PRMT8: variants seen among roughly 807,000 people sequenced by gnomAD.
PRMT8 encodes protein arginine N-methyltransferase 8.
A neutral mutation model predicts 47.1 loss-of-function variants in PRMT8; 7 were observed. The observed-to-expected ratio is 0.15, with a 90% CI of 0.08 to 0.28. PRMT8 has a LOEUF of 0.28. Among genes scored for constraint, PRMT8 ranks in the 10% least tolerant of loss-of-function variants. The pLI, the probability that PRMT8 is intolerant of heterozygous loss-of-function variation, is 1.00. For synonymous variants in PRMT8, 188 were observed against 186.5 expected, an observed-to-expected ratio of 1.01 and a Z score of -0.07; for missense variants, 237 against 505.4, an observed-to-expected ratio of 0.47 and a Z score of 5.09.
intron 1 of PRMT8, among the ~76,000 whole-genome samples, chr12:3,510,560 A>C (rs901021758): frequency 1.3e-5 from 2 of 152,178 alleles, no homozygotes; most frequent in African/African-American, 2.4e-5. Flanking sequence ...AAAAAATTAA[A>C]TTGAATTTTA....
At chr12:3,398,269 C>A (rs1280288394) in intron 1 of PRMT8, among the ~76,000 whole-genome samples, 1 of 152,020 alleles carries the variant, frequency 6.6e-6, no homozygotes, top group Non-Finnish European at 1.5e-5. Context: ...AATGGGGGGG[C>A]CTTTGCAGGA....
chr12:3,497,768 A>C (rs1039918826), intron 1 of PRMT8, among the ~76,000 whole-genome samples: 2 of 152,222 alleles, frequency 1.3e-5, no homozygotes, highest in Admixed American at 1.3e-4. Context: ...GTGGCCCATA[A>C]GTAAAGATCT....
At chr12:3,592,509 T>C (rs968746674) in intron 9 of PRMT8, among the ~76,000 whole-genome samples, 157 bp downstream of exon 9, 3 of 152,030 alleles carry the variant, frequency 2.0e-5, no homozygotes, top group Non-Finnish European at 2.9e-5. Context: ...CTAGGCCTAA[T>C]TGAGGGACTC....
intron 1 of PRMT8, among the ~76,000 whole-genome samples, chr12:3,455,094 T>A (rs536335625): frequency 6.6e-6 from 1 of 152,236 alleles, no homozygotes; most frequent in African/African-American, 2.4e-5. Flanking sequence ...GAGATGGAGT[T>A]TGGGGGCTCC....
chr12:3,447,483 C>G (rs1864870508), intron 1 of PRMT8, among the ~76,000 whole-genome samples: 1 of 152,138 alleles, frequency 6.6e-6, no homozygotes, highest in African/African-American at 2.4e-5. Flanking sequence ...TGAGGCGCCC[C>G]CCTCTCCCGC....
Position 3,540,638 on chromosome 12 carries a change from C to T in PRMT8, c.108C>T (p.Pro36=), listed in dbSNP as rs376153849. 81 of 1,589,744 alleles carry T rather than the reference C, an allele frequency of 5.1e-5. No individual in the cohort carries two copies. Among genetic ancestry groups the T allele is most frequent in the South Asian group, 1.4e-4 (13 of 90,374 alleles). The change falls in exon 2 of 10, where the codon CCC becomes CCT. Residue 36 remains proline (P), a synonymous_variant. Coordinates refer to ENST00000382622, the MANE Select transcript of PRMT8 (RefSeq NM_019854.5). ...GCCCCCCCTCCCAGCCCCCCCAGCC[C>T]GTCGTCCCTGCTAAGCCCGTGCAAT... ...VNSPPSQPPQ[P]VVPAKPVQCV... is the part of the protein sequence containing the mutation.
intron 1 of PRMT8, among the ~76,000 whole-genome samples, chr12:3,519,125 TTTGCAGACGGACAGAGGG>T (rs1412762297): frequency 2.0e-5 from 3 of 152,002 alleles, no homozygotes; most frequent in Non-Finnish European, 1.5e-5. Flanking sequence ...ACTGTCCGTC[TTTGCAGACGGACAGAGGG>T]GAGCCAGGGC....
rs74057445 is a variant in PRMT8, at chr12:3,471,118, A to G, written c.49-69488A>G. Among the ~76,000 whole-genome samples the G allele has an allele frequency of 8.2e-4, 125 of 152,236 alleles. 1 individual carries two copies. Among genetic ancestry groups the G allele is most frequent in the African/African-American group, 3.0e-3 (123 of 41,546 alleles). On this transcript the variant is annotated intron_variant, in intron 1 of 9. Transcript: ENST00000452611. ...CTTCATAGAGCAGCAAGTGGTAGTG[A>G]CAGAGGTGCCTGTCTGAAGGCTGCA...
At chr12:3,441,648 G>A (rs987517928) in intron 1 of PRMT8, among the ~76,000 whole-genome samples, 1 of 152,306 alleles carries the variant, frequency 6.6e-6, no homozygotes, top group South Asian at 2.1e-4. Flanking sequence ...GCCAGCACTG[G>A]CCATCCCTGA....
intron 1 of PRMT8, among the ~76,000 whole-genome samples, chr12:3,449,332 A>G (rs1864893575): frequency 6.6e-6 from 1 of 152,206 alleles, no homozygotes; most frequent in Non-Finnish European, 1.5e-5. Context: ...ACAATGGTTG[A>G]ATGAATTTAC....
intron 1 of PRMT8, among the ~76,000 whole-genome samples, chr12:3,401,898 A>C (rs562125461): frequency 6.6e-6 from 1 of 152,358 alleles, no homozygotes; most frequent in South Asian, 2.1e-4. Context: ...GAAAATGGCC[A>C]TACTGCCCAA....
intron 1 of PRMT8, among the ~76,000 whole-genome samples, chr12:3,403,058 A>G (rs1864333480): frequency 6.6e-6 from 1 of 152,230 alleles, no homozygotes; most frequent in African/African-American, 2.4e-5. Context: ...GTGACATGGA[A>G]TCCACCTAAA....
chr12:3,448,030 T>C (rs937740453), intron 1 of PRMT8, among the ~76,000 whole-genome samples: 2 of 152,238 alleles, frequency 1.3e-5, no homozygotes, highest in Non-Finnish European at 2.9e-5. Context: ...TCTTGCTCTG[T>C]TGCCCAAGCT....
intron 1 of PRMT8, among the ~76,000 whole-genome samples, chr12:3,390,439 T>C (rs1864182764): frequency 6.6e-6 from 1 of 152,254 alleles, no homozygotes; most frequent in Non-Finnish European, 1.5e-5. Flanking sequence ...CTTTGGGCTA[T>C]GCTGGACCTC....
chr12:3,592,726 G>A (rs1274558747), intron 9 of PRMT8, among the ~76,000 whole-genome samples: 2 of 152,198 alleles, frequency 1.3e-5, no homozygotes, highest in Non-Finnish European at 2.9e-5. Flanking sequence ...GGCCTGGTGC[G>A]AGGGAGACTT....
intron 1 of PRMT8, among the ~76,000 whole-genome samples, chr12:3,509,407 G>T (rs983410918): frequency 3.3e-5 from 5 of 152,126 alleles, no homozygotes; most frequent in Admixed American, 6.6e-5. Context: ...CTCCTCCTAT[G>T]TTATCCTATA....
At position 3,508,481 on chromosome 12, in the gene PRMT8, G is replaced by A. The variant is rs994264487; in HGVS notation, c.75+16781G>A. Reference sequence around the variant, plus strand: ...ACGCGGGAGAGTGTGTTTCCTGTGAGAAACATGTTAAGGTGAGGCCGGGCG... The same window carrying A: ...ACGCGGGAGAGTGTGTTTCCTGTGAAAAACATGTTAAGGTGAGGCCGGGCG... On this transcript the variant is annotated intron_variant, in intron 1 of 9. Coordinates refer to ENST00000382622, the MANE Select transcript of PRMT8 (RefSeq NM_019854.5). The surrounding 1 kb of genome is among the most constrained non-coding windows in gnomAD (Gnocchi z 4.9). Among the ~76,000 whole-genome samples the A allele has an allele frequency of 6.6e-5, 10 of 152,220 alleles. No individual in the cohort carries two copies. Among genetic ancestry groups the A allele is most frequent in the African/African-American group, 2.4e-4 (10 of 41,450 alleles).
At chr12:3,543,662 C>T (rs746566088) in intron 2 of PRMT8, among the ~76,000 whole-genome samples, 6 of 152,212 alleles carry the variant, frequency 3.9e-5, no homozygotes, top group Non-Finnish European at 7.3e-5. Context: ...CTGGAGAGCA[C>T]AGCAGGGGGT....
rs1160928283 is a variant in PRMT8, at chr12:3,566,886, C to A, written c.482-1820C>A. 6.6e-6 allele frequency among the ~76,000 whole-genome samples: 1 copy of A among 152,116 alleles called. No homozygotes were observed. The highest frequency in any genetic ancestry group is 1.5e-5 in the Non-Finnish European group (1 of 68,024). ...AAGGAAATGTTCAGAAAGAACAAAC[C>A]AACCAATACATCAGCCTGCCAATTT... On this transcript the variant is annotated intron_variant, in intron 4 of 9. Coordinates refer to ENST00000382622, the MANE Select transcript of PRMT8 (RefSeq NM_019854.5). This position sits in a 1 kb window ranked among gnomAD's most constrained non-coding sequence, Gnocchi z 4.7.
Sources: allele counts gnomAD v4.1 joint callset (sites outside exome capture counted in the v4.1 genomes callset), GRCh38; gene constraint gnomAD v4.1.1; non-coding constraint Gnocchi (gnomAD v3.1); transcripts MANE v1.5; gene names NCBI Gene and HGNC (gene_info 2026-07-23, HGNC 2026-07-21).